PAX2: variants seen among roughly 807,000 people sequenced by gnomAD.
PAX2 encodes paired box protein Pax-2.
PAX2 carries 9 observed loss-of-function variants against 41.7 expected under a neutral mutation model. The observed-to-expected ratio is 0.22, with a 90% confidence interval of 0.13 to 0.38. The LOEUF (loss-of-function observed/expected upper bound fraction) is 0.38, where lower values mean the gene tolerates loss of function less well. PAX2 is among the 10% of genes least tolerant of loss of function. The probability of loss-of-function intolerance (pLI) is 1.00; values close to 1 mark genes in which losing one functional copy is unlikely to be tolerated. For missense variants in PAX2, 418 were observed against 531.6 expected, an observed-to-expected ratio of 0.79 and a Z score of 2.10; for synonymous variants, 221 against 212.7, an observed-to-expected ratio of 1.04 and a Z score of -0.34.
At chr10:100,825,978 G>A (rs984266040) in intron 8 of PAX2, among the ~76,000 whole-genome samples, 9 of 151,068 alleles carry the variant, frequency 6.0e-5, no homozygotes, top group Non-Finnish European at 3.0e-5. Flanking sequence ...GGGGCAGGGA[G>A]TCTGCAGGGA....
At chr10:100,799,386 C>A (rs374348920) in intron 5 of PAX2, among the ~76,000 whole-genome samples, 24 of 152,226 alleles carry the variant, frequency 1.6e-4, no homozygotes, top group African/African-American at 5.1e-4. Flanking sequence ...CCTGTTTCCT[C>A]GTTTGTAAAA....
intron 3 of PAX2, among the ~76,000 whole-genome samples, chr10:100,757,614 G>T (rs1845678871): frequency 6.6e-6 from 1 of 152,228 alleles, no homozygotes; most frequent in Admixed American, 6.5e-5. Context: ...CTCCAAAGCT[G>T]TGGTCCCGCA....
intron 3 of PAX2, among the ~76,000 whole-genome samples, chr10:100,778,678 G>A (rs573979520): frequency 2.0e-5 from 3 of 152,208 alleles, no homozygotes; most frequent in East Asian, 1.9e-4. Flanking sequence ...TTGAGCCCTC[G>A]GTTTTTCAGA....
rs1848488600 is a variant in PAX2, at chr10:100,824,667, C to T, written c.939C>T (p.Thr313=). The change falls in exon 8 of 10, where the codon ACC becomes ACT. Residue 313 remains threonine, a synonymous_variant. Transcript: ENST00000355243. The surrounding 1 kb of genome is among the most constrained non-coding windows in gnomAD (Gnocchi z 6.6). ...PVVTGRDMAS[T]TLPGYPPHVP... ...TTCCAGGTCGTGACATGGCGAGCAC[C>T]ACTCTGCCTGGTTACCCCCCTCACG... is the stretch of plus-strand genomic sequence containing the variant. 1 of 1,609,468 alleles carries T rather than the reference C, an allele frequency of 6.2e-7. No homozygotes were observed. Among genetic ancestry groups the T allele is most frequent in the African/African-American group, 1.3e-5 (1 of 74,824 alleles).
intron 1 of PAX2, chr10:100,747,120 C>A (rs910862097): frequency 6.6e-6 from 1 of 152,296 alleles, no homozygotes; most frequent in Non-Finnish European, 1.5e-5. Context: ...GAGCCAGCAG[C>A]GCAGCCTTCC....
chr10:100,758,762 C>T (rs1845730788), intron 3 of PAX2, among the ~76,000 whole-genome samples: 1 of 152,310 alleles, frequency 6.6e-6, no homozygotes, highest in Non-Finnish European at 1.5e-5. Flanking sequence ...CATCCATTGG[C>T]CAGCATTCAG....
intron 3 of PAX2, among the ~76,000 whole-genome samples, chr10:100,763,357 A>T (rs1035912681): frequency 1.3e-5 from 2 of 152,232 alleles, no homozygotes; most frequent in African/African-American, 4.8e-5. Flanking sequence ...TCAGTTTTTT[A>T]TCCAGGCTCA....
At chr10:100,771,868 C>CG in intron 3 of PAX2, among the ~76,000 whole-genome samples, 1 of 151,976 alleles carries the variant, frequency 6.6e-6, no homozygotes, top group Non-Finnish European at 1.5e-5. Flanking sequence ...AGTGCAGTGG[C>CG]GCGATCTCTG....
intron 3 of PAX2, among the ~76,000 whole-genome samples, chr10:100,772,137 T>C (rs1316238011): frequency 6.6e-6 from 1 of 152,038 alleles, no homozygotes; most frequent in Non-Finnish European, 1.5e-5. Flanking sequence ...TTTTTGTGTG[T>C]GTGACAGAGT....
intron 7 of PAX2, among the ~76,000 whole-genome samples, chr10:100,819,166 T>G (rs1023714276): frequency 2.6e-5 from 4 of 151,668 alleles, no homozygotes; most frequent in African/African-American, 9.7e-5. Context: ...GAGAATCACT[T>G]GAACCTGGGA....
In PAX2 at chr10:100,805,062, AC is replaced by A. The variant is rs1215106403; in HGVS notation, c.617-1367del. ...CACACACACACACACACACACACAC[AC>A]ACACACACACACTTTCTTTGCTTTC... On this transcript the variant is annotated intron_variant, in intron 5 of 9. Coordinates refer to ENST00000355243, the MANE Select transcript of PAX2 (RefSeq NM_000278.5). 3.6e-5 allele frequency among the ~76,000 whole-genome samples: 5 copies of A among 138,254 alleles called. No homozygotes were observed. The East Asian group carries it at 1.1e-3, about 30-fold the overall frequency. The allele number at this position is 138,254 out of a possible 152,430, so 90.7% of individuals were successfully genotyped here.
At chr10:100,797,948 C>A (rs915561553) in intron 5 of PAX2, among the ~76,000 whole-genome samples, 1 of 152,082 alleles carries the variant, frequency 6.6e-6, no homozygotes. Flanking sequence ...ACAGCCACCC[C>A]AGCCTCTCCC....
intron 7 of PAX2, among the ~76,000 whole-genome samples, chr10:100,815,848 G>A (rs867602649): frequency 5.3e-5 from 8 of 152,204 alleles, no homozygotes; most frequent in Non-Finnish European, 8.8e-5. Context: ...ACCCTGTGCT[G>A]CTGGGCTGCC....
At chr10:100,788,666 T>G (rs530391661) in intron 5 of PAX2, among the ~76,000 whole-genome samples, 4 of 152,240 alleles carry the variant, frequency 2.6e-5, no homozygotes, top group South Asian at 4.1e-4. Context: ...GGGATCTGAG[T>G]GCTCCCTGCT....
At chr10:100,810,450 A>G (rs919767643) in intron 7 of PAX2, among the ~76,000 whole-genome samples, 1 of 151,998 alleles carries the variant, frequency 6.6e-6, no homozygotes, top group Non-Finnish European at 1.5e-5. Flanking sequence ...AGTGTTGGAG[A>G]CCTGGACTGG....
rs1392081133 is a variant in PAX2 at position 100,748,336 on chromosome 10, G to A, written c.44-1410G>A. 1.5e-5 allele frequency: 15 copies of A among 984,506 alleles called. No individual in the cohort carries two copies. Among genetic ancestry groups the A allele is most frequent in the Non-Finnish European group, 1.8e-5 (15 of 829,402 alleles). The allele number at this position is 984,506 out of a possible 1,614,324, so 61.0% of individuals were successfully genotyped here. A position where few individuals can be genotyped will look rare whatever the true frequency, so the allele number is the denominator to read the frequency against. On this transcript the variant is annotated intron_variant, in intron 1 of 9. Transcript: ENST00000355243. The surrounding 1 kb of genome is among the most constrained non-coding windows in gnomAD (Gnocchi z 5.0). Reference sequence around the variant, plus strand: ...TAGAGATAGGGAGATTAACGGGGTGGGCAAGGGGGTAAAAGAAGGGGCTTC... The same window carrying A: ...TAGAGATAGGGAGATTAACGGGGTGAGCAAGGGGGTAAAAGAAGGGGCTTC...
intron 3 of PAX2, among the ~76,000 whole-genome samples, chr10:100,778,572 C>T (rs997461430): frequency 1.2e-4 from 19 of 152,148 alleles, no homozygotes; most frequent in African/African-American, 4.8e-5. Flanking sequence ...GGACAAGGAA[C>T]GCTATCAGAA....
chr10:100,747,910 C>T (rs1845260993), intron 1 of PAX2: 2 of 983,948 alleles, frequency 2.0e-6, no homozygotes, highest in Non-Finnish European at 2.4e-6. Flanking sequence ...GGGGGTCCGC[C>T]GAGTCCTGGC....
At chr10:100,809,334 G>A (rs147323056) in intron 7 of PAX2, 98 bp downstream of exon 7, 146 of 1,186,576 alleles carry the variant, frequency 1.2e-4, no homozygotes, top group African/African-American at 6.3e-4. Context: ...GTCCCCCACC[G>A]TGATATTTAC....
Sources: allele counts gnomAD v4.1 joint callset (sites outside exome capture counted in the v4.1 genomes callset), GRCh38; gene constraint gnomAD v4.1.1; non-coding constraint Gnocchi (gnomAD v3.1); transcripts MANE v1.5; gene names NCBI Gene and HGNC (gene_info 2026-07-23, HGNC 2026-07-21).